The following HIP1 variants were observed in gnomAD, a reference collection of about 807,000 sequenced individuals.
HIP1 encodes huntingtin interacting protein 1, also known as huntingtin-interacting protein 1.
Under a neutral mutation model 147.6 loss-of-function variants are expected in HIP1, and 65 were observed. The observed-to-expected ratio is 0.44, with a 90% CI of 0.36 to 0.54. The LOEUF (loss-of-function observed/expected upper bound fraction) is 0.54. HIP1 is among the 20% of genes least tolerant of loss of function. The pLI is 0.00. For missense variants in HIP1, 1,061 were observed against 1,299.6 expected (o/e 0.82, Z 2.82); for synonymous variants, 479 against 504.0 (o/e 0.95, Z 0.67).
chr7:75,581,201 T>A (rs782255302), intron 7 of HIP1, 36 bp downstream of exon 7: 1 of 1,530,340 alleles, frequency 6.5e-7, no homozygotes, highest in Non-Finnish European at 9.0e-7. Context: ...GTAGTTCCCA[T>A]GAGAGCCTGG....
chr7:75,699,044 CCT>C (rs1800729728), intron 1 of HIP1, among the ~76,000 whole-genome samples: 4 of 151,630 alleles, frequency 2.6e-5, no homozygotes, highest in African/African-American at 4.8e-5. Flanking sequence ...GAATGTATTA[CCT>C]ATTTAAAAAA....
Position 75,555,503 on chromosome 7 carries a change from C to G in HIP1, c.1876G>C (p.Gly626Arg). ...ACCTGCTCCGCAGCCTTCCTGGACC[C>G]CACCAGAAGCATTTTTCGTTGGTCT... ...AKDQRKMLLV[G>R]SRKAAEQVIQ... Residue 626 changes from glycine to arginine, a missense_variant, in exon 19 of 31, where the codon GGG becomes CGG. Physicochemically the swap from Gly to Arg is moderately radical, Grantham distance 125. Transcript: ENST00000336926. The G allele has an allele frequency of 1.9e-6, 3 of 1,614,210 alleles. No homozygotes were observed. Among genetic ancestry groups the G allele is most frequent in the Non-Finnish European group, 2.5e-6 (3 of 1,180,032 alleles).
intron 8 of HIP1, among the ~76,000 whole-genome samples, chr7:75,572,634 C>A (rs1795685967): frequency 6.6e-6 from 1 of 152,228 alleles, no homozygotes; most frequent in South Asian, 2.1e-4. Flanking sequence ...CTGCACACTC[C>A]ATGGAACAGG....
intron 1 of HIP1, among the ~76,000 whole-genome samples, chr7:75,669,384 A>C (rs956056417): frequency 7.9e-5 from 12 of 151,818 alleles, no homozygotes; most frequent in African/African-American, 1.4e-4. Flanking sequence ...AAAAAACAAA[A>C]CAAAACAAAA....
At chr7:75,588,603 C>T (rs1584841655) in intron 4 of HIP1, among the ~76,000 whole-genome samples, 2 of 151,814 alleles carry the variant, frequency 1.3e-5, no homozygotes, top group South Asian at 4.2e-4. Context: ...GGCAACATGG[C>T]GAAAACCTGC....
intron 8 of HIP1, among the ~76,000 whole-genome samples, chr7:75,571,886 G>A (rs1377691926): frequency 2.0e-5 from 3 of 151,906 alleles, no homozygotes; most frequent in Non-Finnish European, 4.4e-5. Flanking sequence ...GCCCACCCCA[G>A]ACACATCATT....
At chr7:75,618,466 A>G (rs1032068259) in intron 1 of HIP1, among the ~76,000 whole-genome samples, 2 of 151,886 alleles carry the variant, frequency 1.3e-5, no homozygotes, top group Non-Finnish European at 2.9e-5. Context: ...TTGTATTTTC[A>G]GTAGAGATGG....
In HIP1 at chr7:75,541,018, C is replaced by T. The variant is rs1021168190; in HGVS notation, c.2952+901G>A. 6.0e-5 allele frequency among the ~76,000 whole-genome samples: 9 copies of T among 151,218 alleles called. No individual in the cohort carries two copies. In the South Asian group the frequency reaches 8.4e-4, roughly 14 times the overall value. ...GGTGGCTCACACCTGTAATCCCAGC[C>T]CTTTGGGAGGCTGAGGCAGGAGGGT... On this transcript the variant is annotated intron_variant, in intron 29 of 30. Transcript: ENST00000336926.
intron 1 of HIP1, among the ~76,000 whole-genome samples, chr7:75,671,373 T>C (rs2696210): frequency 0.57 from 86,046 of 152,052 alleles, 24,843 homozygotes; most frequent in African/African-American, 0.66. Context: ...GGATTACAGA[T>C]GTGAACCACC....
Position 75,684,672 on chromosome 7 carries a change from A to G in HIP1, c.120+54129T>C, listed in dbSNP as rs1016789259. Among the ~76,000 whole-genome samples, 11 of 152,234 alleles carry G rather than the reference A, an allele frequency of 7.2e-5. No homozygotes were observed. The South Asian group carries it at 2.1e-3, about 29-fold the overall frequency. Reference sequence around the variant, plus strand: ...GCTACCCTCACATAGATGAACACTTAGGTTGCTTTTGACTTTTTACAATTA... The same window carrying G: ...GCTACCCTCACATAGATGAACACTTGGGTTGCTTTTGACTTTTTACAATTA... On this transcript the variant is annotated intron_variant, in intron 1 of 30. Coordinates refer to ENST00000336926, the MANE Select transcript of HIP1 (RefSeq NM_005338.7).
rs782069278 is a variant in HIP1, at chr7:75,538,158, G to C, written c.*14C>G. ...ACAAGGATTTACACTGACATATGGGGTGTTGGTTTGGCTCTATTCTTTTTC... is the reference window on the plus strand; with the variant it reads ...ACAAGGATTTACACTGACATATGGGCTGTTGGTTTGGCTCTATTCTTTTTC... On this transcript the variant is annotated 3_prime_UTR_variant, in exon 31 of 31. Coordinates refer to ENST00000336926, the MANE Select transcript of HIP1 (RefSeq NM_005338.7). The C allele has an allele frequency of 1.9e-6, 3 of 1,601,348 alleles. No individual in the cohort carries two copies. The East Asian group carries it at 6.7e-5, about 36-fold the overall frequency.
chr7:75,548,007 A>C (rs1794636264), intron 23 of HIP1, among the ~76,000 whole-genome samples, 194 bp from the exon 24 acceptor site: 3 of 152,036 alleles, frequency 2.0e-5, no homozygotes, highest in Non-Finnish European at 2.9e-5. Context: ...GTGCAGCTGC[A>C]GTGGGCTGGC....
intron 8 of HIP1, among the ~76,000 whole-genome samples, chr7:75,573,459 C>T (rs1280107713): frequency 1.3e-5 from 2 of 152,160 alleles, no homozygotes; most frequent in Admixed American, 1.3e-4. Context: ...TTCCTGGATG[C>T]CGAACAAGAA....
At position 75,738,890 on chromosome 7, in the gene HIP1, C is replaced by A; in HGVS notation, c.31G>T (p.Val11Leu). Residue 11 changes from valine to leucine, a missense_variant, in exon 1 of 31, where the codon GTG (valine) becomes TTG (leucine). By Grantham distance (32) the Val-to-Leu change is conservative. This residue lies in a region of HIP1 where 225 missense variants were observed against 292.9 expected (regional missense o/e 0.77). Coordinates refer to ENST00000336926, the MANE Select transcript of HIP1 (RefSeq NM_005338.7). ...AGCACCTTGGGCAGTGGGTTGGGCA[C>A]CTGCTTCATGGAGCTGGCCATCCGA... MDRMASSMKQ[V>L]PNPLPKVLSR... 9.6e-6 allele frequency: 15 copies of A among 1,565,134 alleles called. No homozygotes were observed. The highest frequency in any genetic ancestry group is 1.4e-5 in the African/African-American group (1 of 73,376).
rs1024492592 is a variant in HIP1, at chr7:75,535,827, T to G, written c.*2345A>C. 7.6e-5 allele frequency: 13 copies of G among 171,218 alleles called. No individual in the cohort carries two copies. In the East Asian group the frequency reaches 1.4e-3, roughly 18 times the overall value. 10.6% of individuals were successfully genotyped at this position (171,218 alleles called of 1,614,324 possible). ...CTGGGGTTCAGGTGATTCTCCTGTC[T>G]CAGCCTCCTGAGTAGCTGGGATTAC... On this transcript the variant is annotated 3_prime_UTR_variant, in exon 31 of 31. Transcript: ENST00000336926.
intron 1 of HIP1, among the ~76,000 whole-genome samples, chr7:75,640,752 C>CAAT (rs139850457): frequency 0.18 from 15,067 of 84,568 alleles, 884 homozygotes; most frequent in Non-Finnish European, 0.23. Context: ...GACTCCATCT[C>CAAT]AATAATAATA....
intron 1 of HIP1, among the ~76,000 whole-genome samples, chr7:75,712,789 CTCACTCATTCAT>C (rs1801199120): frequency 6.6e-6 from 1 of 151,794 alleles, no homozygotes; most frequent in African/African-American, 2.4e-5. Flanking sequence ...CATTCATTCA[CTCACTCATTCAT>C]TCACTCACTC....
intron 7 of HIP1, among the ~76,000 whole-genome samples, chr7:75,579,992 C>T (rs1208976539): frequency 8.5e-5 from 13 of 152,078 alleles, no homozygotes; most frequent in Admixed American, 4.6e-4. Context: ...GGAGGAGACG[C>T]GCTGGAGAGA....
rs797033649 is a variant in HIP1, at chr7:75,664,028, G to A, written c.121-64781C>T. On this transcript the variant is annotated intron_variant, in intron 1 of 30. Transcript: ENST00000336926. The stretch of plus-strand genomic sequence containing the variant: ...TGTGTATATATATACACATATATGT[G>A]TATATATATACACATATATGTGTAT... 5.5e-4 allele frequency among the ~76,000 whole-genome samples: 5 copies of A among 9,072 alleles called. 1 individual carries two copies. The African/African-American group carries it at 5.7e-3, about 10-fold the overall frequency. The allele number at this position is 9,072 out of a possible 152,430, so 6.0% of individuals were successfully genotyped here.
Sources: allele counts gnomAD v4.1 joint callset (sites outside exome capture counted in the v4.1 genomes callset), GRCh38; gene constraint gnomAD v4.1.1; regional missense constraint gnomAD v4.1.1; transcripts MANE v1.5; gene names NCBI Gene and HGNC (gene_info 2026-07-23, HGNC 2026-07-21).